SLC39A10: variants seen among roughly 807,000 people sequenced by gnomAD.
SLC39A10 encodes zinc transporter ZIP10.
A neutral mutation model predicts 65.1 loss-of-function variants in SLC39A10; 13 were observed. The observed-to-expected ratio is 0.20, with a 90% CI of 0.13 to 0.32. SLC39A10 has a LOEUF of 0.32. Among genes scored for constraint, SLC39A10 ranks in the 10% least tolerant of loss-of-function variants. The pLI, the probability that SLC39A10 is intolerant of heterozygous loss-of-function variation, is 1.00. For missense variants in SLC39A10, 831 were observed against 1,018.4 expected (o/e 0.82, Z 2.50); for synonymous variants, 321 against 342.2 (o/e 0.94, Z 0.68).
At chr2:195,720,009 C>A (rs527742530) in intron 8 of SLC39A10, among the ~76,000 whole-genome samples, 13 of 151,994 alleles carry the variant, frequency 8.6e-5, no homozygotes, top group Admixed American at 2.0e-4. Flanking sequence ...AGGCTGGTCT[C>A]GAACTCCTGA....
chr2:195,716,842 T>G lies in SLC39A10; in HGVS notation c.1902T>G (p.Thr634=), dbSNP rs2105827087. The change falls in exon 7 of 10, where the codon ACT becomes ACG. Residue 634 remains threonine (T), a synonymous_variant. Coordinates refer to ENST00000359634, the MANE Select transcript of SLC39A10 (RefSeq NM_020342.3). The stretch of plus-strand genomic sequence containing the variant: ...ATAACCACCACGGCGAGAACAAAAC[T>G]GTGCTGAGGAAGCATAATCACCAGT... ...AAHNHHGENK[T]VLRKHNHQWH... 1 of 1,614,130 alleles carries G rather than the reference T, an allele frequency of 6.2e-7. No individual in the cohort carries two copies. The highest frequency in any genetic ancestry group is 1.1e-5 in the South Asian group (1 of 91,076).
At chr2:195,648,902 G>A (rs778199566) in intron 2 of SLC39A10, among the ~76,000 whole-genome samples, 3 of 152,020 alleles carry the variant, frequency 2.0e-5, no homozygotes, top group Non-Finnish European at 4.4e-5. Context: ...AAATAATACC[G>A]CTTCATGTGG....
At chr2:195,725,555 T>A (rs891131006) in intron 8 of SLC39A10, among the ~76,000 whole-genome samples, 26 of 152,160 alleles carry the variant, frequency 1.7e-4, no homozygotes, top group African/African-American at 6.3e-4. Flanking sequence ...ATGCAATTTC[T>A]TATAAAATTA....
intron 1 of SLC39A10, among the ~76,000 whole-genome samples, chr2:195,670,936 A>G (rs1304809612): frequency 6.6e-6 from 1 of 152,258 alleles, no homozygotes; most frequent in Non-Finnish European, 1.5e-5. Flanking sequence ...TTTGGATGAA[A>G]TATAACACAG....
chr2:195,706,195 G>A (rs1410095306), intron 3 of SLC39A10, among the ~76,000 whole-genome samples: 1 of 152,048 alleles, frequency 6.6e-6, no homozygotes, highest in Non-Finnish European at 1.5e-5. Context: ...TACAAAGATT[G>A]TAACACGTTA....
At chr2:195,685,188 C>T (rs1690478518) in intron 3 of SLC39A10, among the ~76,000 whole-genome samples, 1 of 152,122 alleles carries the variant, frequency 6.6e-6, no homozygotes, top group Non-Finnish European at 1.5e-5. Context: ...ACAGAGCCCA[C>T]AAACCCTAAG....
At chr2:195,731,973 C>A (rs141090540) in intron 9 of SLC39A10, among the ~76,000 whole-genome samples, 1 of 152,068 alleles carries the variant, frequency 6.6e-6, no homozygotes, top group South Asian at 2.1e-4. Flanking sequence ...TTTATAATGT[C>A]ACAATTATAT....
At chr2:195,689,421 CAA>C (rs984362483) in intron 3 of SLC39A10, among the ~76,000 whole-genome samples, 1 of 143,682 alleles carries the variant, frequency 7.0e-6, no homozygotes, top group Non-Finnish European at 1.5e-5. Context: ...GAACCTGTCT[CAA>C]AAAAAAAAGA....
At chr2:195,654,160 A>G (rs566432314), upstream of SLC39A10, among the ~76,000 whole-genome samples, 2 of 152,178 alleles carry the variant, frequency 1.3e-5, no homozygotes, top group Non-Finnish European at 2.9e-5. Flanking sequence ...GCTGGTCTCA[A>G]ACTCCGGACC....
At chr2:195,676,178 T>C (rs1203107943) in intron 1 of SLC39A10, among the ~76,000 whole-genome samples, 2 of 151,956 alleles carry the variant, frequency 1.3e-5, no homozygotes, top group African/African-American at 4.8e-5. Context: ...TGCTATAAGC[T>C]TCCCCCTCCC....
chr2:195,685,960 C>G (rs1175994736), intron 3 of SLC39A10, among the ~76,000 whole-genome samples: 7 of 152,006 alleles, frequency 4.6e-5, no homozygotes, highest in African/African-American at 1.7e-4. Context: ...TGGTATACTT[C>G]GATAATGAAT....
chr2:195,730,861 C>G (rs532073737), intron 9 of SLC39A10, among the ~76,000 whole-genome samples: 6 of 152,322 alleles, frequency 3.9e-5, no homozygotes, highest in African/African-American at 1.4e-4. Flanking sequence ...CTTCTAGTTG[C>G]TCAAAAAGCT....
At chr2:195,713,279 T>C (rs1388454146) in intron 5 of SLC39A10, among the ~76,000 whole-genome samples, 154 bp from the exon 6 acceptor site, 1 of 152,238 alleles carries the variant, frequency 6.6e-6, no homozygotes, top group African/African-American at 2.4e-5. Flanking sequence ...TGGATTGCTT[T>C]ACTCCCAAGA....
At chr2:195,624,360 C>T (rs1688415778) in intron 2 of SLC39A10, among the ~76,000 whole-genome samples, 1 of 136,902 alleles carries the variant, frequency 7.3e-6, no homozygotes, top group Non-Finnish European at 1.5e-5. Context: ...GCACTCCAGC[C>T]TGGGCAACAA....
intron 2 of SLC39A10, among the ~76,000 whole-genome samples, chr2:195,630,702 C>T (rs984605904): frequency 7.2e-5 from 11 of 152,182 alleles, no homozygotes; most frequent in Admixed American, 4.6e-4. Context: ...TATCATAACA[C>T]CACAGGCACC....
Position 195,681,021 on chromosome 2 carries a change from G to T in SLC39A10, c.979G>T (p.Asp327Tyr), listed in dbSNP as rs1416554207. ...TAATGCAATAATTTCTTTGAGAAAA[G>T]ATCTAAATGAAGATGACCATCATCA... ...KNNAIISLRK[D>Y]LNEDDHHHEC... Residue 327 changes from aspartate (D) to tyrosine (Y), a missense_variant, in exon 2 of 10, where the codon GAT becomes TAT. Around this residue, in one of 4 missense-constraint regions of SLC39A10, gnomAD observed 446 missense variants for 499.2 expected, o/e 0.89. Transcript: ENST00000359634. The T allele has an allele frequency of 5.0e-6, 8 of 1,610,998 alleles. No individual in the cohort carries two copies. Among genetic ancestry groups the T allele is most frequent in the Admixed American group, 3.3e-5 (2 of 59,782 alleles).
chr2:195,627,847 G>A (rs1688506037), intron 2 of SLC39A10, among the ~76,000 whole-genome samples: 1 of 152,158 alleles, frequency 6.6e-6, no homozygotes, highest in Non-Finnish European at 1.5e-5. Context: ...GGGAGAGGAT[G>A]GCTATCTCAT....
intron 5 of SLC39A10, among the ~76,000 whole-genome samples, chr2:195,711,103 A>G (rs1691588785): frequency 6.6e-6 from 1 of 152,340 alleles, no homozygotes; most frequent in Middle Eastern, 3.4e-3. Context: ...GTTCATCACT[A>G]CAATAAATTA....
chr2:195,669,707 G>A (rs1191868683), intron 1 of SLC39A10, among the ~76,000 whole-genome samples: 1 of 152,064 alleles, frequency 6.6e-6, no homozygotes, highest in Non-Finnish European at 1.5e-5. Flanking sequence ...TATAGTTAAG[G>A]TTTTTGTAGG....
Sources: gnomAD v4.1 joint callset for allele counts (sites outside exome capture counted in the v4.1 genomes callset) on GRCh38, gnomAD v4.1.1 for gene constraint, gnomAD v4.1.1 regional missense constraint, MANE v1.5 for transcripts, NCBI Gene and HGNC (gene_info 2026-07-23, HGNC 2026-07-21) for gene names.